NCAPH2: variants seen among roughly 807,000 people sequenced by gnomAD.
NCAPH2 encodes the protein non-SMC condensin II complex subunit H2, also known as condensin-2 complex subunit H2.
In NCAPH2, 56 loss-of-function variants were observed where a neutral mutation model predicts 88.6. The observed-to-expected ratio is 0.63, with a 90% confidence interval of 0.51 to 0.79. The LOEUF (loss-of-function observed/expected upper bound fraction) is 0.79, where lower values mean the gene tolerates loss of function less well. Ranked by LOEUF, NCAPH2 falls within the 30% of genes least tolerant of loss-of-function variation. The pLI is 0.00. For synonymous variants in NCAPH2, 378 were observed against 313.6 expected, an observed-to-expected ratio of 1.21 and a Z score of -2.17; for missense variants, 794 against 792.0, an observed-to-expected ratio of 1.00 and a Z score of -0.03.
rs1310553390 is a variant in NCAPH2, at chr22:50,523,143, T to A, written c.1654T>A (p.Ser552Thr). The A allele has an allele frequency of 6.2e-7, 1 of 1,613,700 alleles. No homozygotes were observed. Among genetic ancestry groups the A allele is most frequent in the Admixed American group, 1.7e-5 (1 of 59,960 alleles). Residue 552 changes from serine to threonine, a missense_variant, in exon 19 of 20, where the codon TCC (serine) becomes ACC (threonine). By Grantham distance (58) the Ser-to-Thr change is moderately conservative. This residue lies in a region of NCAPH2 where 735 missense variants were observed against 696.3 expected (regional missense o/e 1.06). Coordinates refer to ENST00000420993, the MANE Select transcript of NCAPH2 (RefSeq NM_152299.4). The part of the protein sequence containing the change: ...AGQPAFEVCR[S>T]MLASLQLAND... ...CCAGCCGGCCTTCGAGGTGTGTCGTTCCATGCTGGCCTCCCTGCAGCTGGT... is the reference window on the plus strand; with the variant it reads ...CCAGCCGGCCTTCGAGGTGTGTCGTACCATGCTGGCCTCCCTGCAGCTGGT...
Position 50,523,817 on chromosome 22 carries a change from C to T in NCAPH2, c.*442C>T, listed in dbSNP as rs775864822. The stretch of plus-strand genomic sequence containing the variant: ...ACGCGGTAACTGTGACTAGCCTGGG[C>T]AACCTGTTTGGTGGAGCCGGTCAGA... On this transcript the variant is annotated 3_prime_UTR_variant, in exon 20 of 20. Transcript: ENST00000420993. The T allele has an allele frequency of 9.3e-6, 15 of 1,614,122 alleles. No individual in the cohort carries two copies. Among genetic ancestry groups the T allele is most frequent in the Non-Finnish European group, 1.3e-5 (15 of 1,180,038 alleles).
Position 50,524,504 on chromosome 22 carries a change from G to C in NCAPH2, c.*1129G>C, listed in dbSNP as rs1422909281. The C allele has an allele frequency of 7.5e-7, 1 of 1,337,670 alleles. No homozygotes were observed. The highest frequency in any genetic ancestry group is 1.9e-5 in the Admixed American group (1 of 52,508). The allele number at this position is 1,337,670 out of a possible 1,614,324, so 82.9% of individuals were successfully genotyped here. On this transcript the variant is annotated 3_prime_UTR_variant, in exon 20 of 20. Transcript: ENST00000420993. ...GGGCTGCCCCTGCGACTTGAGACCA[G>C]CCACCCATCTGAAGGACCCAGCCCA...
At chr22:50,522,948 A>G (rs2069158318) in intron 18 of NCAPH2, 26 bp downstream of exon 18, 1 of 1,612,346 alleles carries the variant, frequency 6.2e-7, no homozygotes, top group Non-Finnish European at 8.5e-7. Flanking sequence ...TGGGAACCAG[A>G]GCTGTGTGCC....
chr22:50,508,973 A>G (rs1467924262), intron 1 of NCAPH2, among the ~76,000 whole-genome samples: 1 of 152,202 alleles, frequency 6.6e-6, no homozygotes, highest in African/African-American at 2.4e-5. Context: ...AGCCCAGCTC[A>G]GTCTGGCGTC....
chr22:50,524,261 G>A lies in NCAPH2; in HGVS notation c.*886G>A. 3 of 1,604,878 alleles carry A rather than the reference G, an allele frequency of 1.9e-6. No individual in the cohort carries two copies. Among genetic ancestry groups the A allele is most frequent in the Non-Finnish European group, 2.5e-6 (3 of 1,179,792 alleles). On this transcript the variant is annotated 3_prime_UTR_variant, in exon 20 of 20. Transcript: ENST00000420993. ...GTTCGAAGCCCAGGGCCCTGGGGCT[G>A]GCCCTGCCCACCTGTCTCTGCAGGG...
chr22:50,508,514 C>T (rs1284889440), intron 1 of NCAPH2, 69 bp downstream of exon 1: 2 of 950,970 alleles, frequency 2.1e-6, no homozygotes, highest in Non-Finnish European at 1.4e-6. Context: ...GCTCCGGGCC[C>T]GGGGCTGTGG....
chr22:50,515,878 T>TG (rs2068907485), intron 1 of NCAPH2: 3 of 1,040,682 alleles, frequency 2.9e-6, no homozygotes, highest in Non-Finnish European at 3.8e-6. Context: ...GGGTTGGGTT[T>TG]GGGGCTCATT....
At chr22:50,518,086 C>T (rs1457494542) in intron 6 of NCAPH2, 34 bp downstream of exon 6, 3 of 1,613,332 alleles carry the variant, frequency 1.9e-6, no homozygotes, top group Non-Finnish European at 1.7e-6. Flanking sequence ...GGGAGGGAGG[C>T]CTGCCTGGGA....
chr22:50,522,675 A>T lies in NCAPH2; in HGVS notation c.1380A>T (p.Ala460=), dbSNP rs1217528201. The T allele has an allele frequency of 1.2e-6, 2 of 1,613,564 alleles. No homozygotes were observed. ...CTCACAGCTACCCCTTCCCAGACGC[A>T]GTGCCGATGTCCCTGAGCTACGAGG... The part of the protein sequence containing the change: ...ADPREAADLD[A]VPMSLSYEEL... Residue 460 remains alanine, a synonymous_variant, in exon 17 of 20, where the codon GCA becomes GCT. Coordinates refer to ENST00000420993, the MANE Select transcript of NCAPH2 (RefSeq NM_152299.4).
At chr22:50,513,416 C>T (rs1045435241) in intron 1 of NCAPH2, among the ~76,000 whole-genome samples, 2 of 151,510 alleles carry the variant, frequency 1.3e-5, no homozygotes, top group East Asian at 1.9e-4. Context: ...AGGTGGCTCA[C>T]GCCTGTGATC....
intron 10 of NCAPH2, 147 bp downstream of exon 10, chr22:50,521,183 T>G: frequency 1.1e-6 from 1 of 869,982 alleles, no homozygotes; most frequent in Middle Eastern, 3.5e-4. Context: ...GACCCCCTCA[T>G]GCGACTCTGG....
At chr22:50,512,922 TG>T (rs1418412983) in intron 1 of NCAPH2, among the ~76,000 whole-genome samples, 3 of 152,218 alleles carry the variant, frequency 2.0e-5, no homozygotes, top group Non-Finnish European at 4.4e-5. Context: ...TTGTGAATTG[TG>T]TGCCAAGAAC....
At chr22:50,512,562 T>G (rs2068814680) in intron 1 of NCAPH2, among the ~76,000 whole-genome samples, 1 of 151,262 alleles carries the variant, frequency 6.6e-6, no homozygotes, top group Non-Finnish European at 1.5e-5. Flanking sequence ...TTTTTGTTTT[T>G]TTTTTTTAGA....
intron 12 of NCAPH2, 54 bp downstream of exon 12, chr22:50,521,902 G>A: frequency 3.7e-6 from 6 of 1,613,334 alleles, no homozygotes; most frequent in Non-Finnish European, 5.1e-6. Flanking sequence ...GCTGGGCCAG[G>A]GCCAGTGGAG....
chr22:50,511,923 A>C (rs2068795038), intron 1 of NCAPH2, among the ~76,000 whole-genome samples: 1 of 152,168 alleles, frequency 6.6e-6, no homozygotes, highest in Non-Finnish European at 1.5e-5. Context: ...CTGGGATTAC[A>C]GGTGTGAGCC....
At chr22:50,511,872 C>T (rs1299375023) in intron 1 of NCAPH2, among the ~76,000 whole-genome samples, 1 of 152,088 alleles carries the variant, frequency 6.6e-6, no homozygotes, top group African/African-American at 2.4e-5. Context: ...TGGTCTTGGT[C>T]TCCTGACCTC....
rs1471939024 is a variant in NCAPH2, at chr22:50,519,192, C to T, written c.733C>T (p.Pro245Ser). 2 of 1,607,776 alleles carry T rather than the reference C, an allele frequency of 1.2e-6. No homozygotes were observed. The highest frequency in any genetic ancestry group is 1.7e-6 in the Non-Finnish European group (2 of 1,177,924). ...PALGFSQEPGPSPEGPMPLGG... is the reference protein window; with the variant it reads ...PALGFSQEPGSSPEGPMPLGG... ...TCACTCTCTTGCTCCCTGCCTAGGC[C>T]CCTCTCCAGAAGGCCCGATGCCCCT... The change falls in exon 9 of 20, where the codon CCC (proline) becomes TCC (serine). Residue 245 changes from proline (P) to serine (S), a missense_variant and splice_region_variant. Transcript: ENST00000420993.
rs1225238502 is a variant in NCAPH2, at chr22:50,524,069, A to G, written c.*694A>G. ...CACTGGCCCCGGAAGTCAGCCTTGC[A>G]GCGAGCCCGGCCTCTGTGATCCAGC... is the stretch of plus-strand genomic sequence containing the variant. On this transcript the variant is annotated 3_prime_UTR_variant, in exon 20 of 20. Transcript: ENST00000420993. 5 of 1,613,250 alleles carry G rather than the reference A, an allele frequency of 3.1e-6. No individual in the cohort carries two copies. The highest frequency in any genetic ancestry group is 3.4e-6 in the Non-Finnish European group (4 of 1,180,008).
Position 50,523,428 on chromosome 22 carries a change from C to G in NCAPH2, c.*53C>G. 1 of 1,521,588 alleles carries G rather than the reference C, an allele frequency of 6.6e-7. No homozygotes were observed. The highest frequency in any genetic ancestry group is 1.4e-5 in the African/African-American group (1 of 72,690). 94.3% of individuals were successfully genotyped at this position (1,521,588 alleles called of 1,614,324 possible). On this transcript the variant is annotated 3_prime_UTR_variant, in exon 20 of 20. Coordinates refer to ENST00000420993, the MANE Select transcript of NCAPH2 (RefSeq NM_152299.4). ...GAATGTGTACTGAGGAGCCGTGTGT[C>G]TGCTCCTGGCTGGCCCGGCCTAATA...
Sources: gnomAD v4.1 joint callset for allele counts (sites outside exome capture counted in the v4.1 genomes callset) on GRCh38, gnomAD v4.1.1 for gene constraint, gnomAD v4.1.1 regional missense constraint, MANE v1.5 for transcripts, NCBI Gene and HGNC (gene_info 2026-07-23, HGNC 2026-07-21) for gene names.